Variants in OSBP2 observed in about 807,000 individuals in gnomAD.
The protein encoded by OSBP2 is oxysterol-binding protein 2.
A neutral mutation model predicts 96.0 loss-of-function variants in OSBP2; 66 were observed. That is an observed-to-expected ratio of 0.69 (90% confidence interval 0.56 to 0.84). OSBP2 has a LOEUF of 0.84. OSBP2 is among the 40% of genes least tolerant of loss of function. OSBP2 has a pLI of 0.00. For synonymous variants in OSBP2, 525 were observed against 520.9 expected (o/e 1.01, Z -0.11); for missense variants, 1,038 against 1,222.7 (o/e 0.85, Z 2.25).
intron 2 of OSBP2, among the ~76,000 whole-genome samples, chr22:30,756,805 G>A (rs1022129661): frequency 6.6e-6 from 1 of 152,152 alleles, no homozygotes; most frequent in Non-Finnish European, 1.5e-5. Context: ...CTCAGCTGAC[G>A]GAAGTAACAT....
At chr22:30,781,049 C>T (rs1309566499) in intron 2 of OSBP2, among the ~76,000 whole-genome samples, 2 of 151,476 alleles carry the variant, frequency 1.3e-5, no homozygotes, top group Non-Finnish European at 2.9e-5. Context: ...GATCTCGGCT[C>T]ACTGCAACCT....
At chr22:30,843,454 C>T (rs368919568) in intron 2 of OSBP2, among the ~76,000 whole-genome samples, 15,603 of 104,006 alleles carry the variant, frequency 0.15, 916 homozygotes, top group African/African-American at 0.26. Flanking sequence ...TCCCCCCTCC[C>T]CCTTGAGCAA....
intron 1 of OSBP2, among the ~76,000 whole-genome samples, chr22:30,719,643 A>G (rs2037047864): frequency 6.6e-6 from 1 of 151,672 alleles, no homozygotes; most frequent in African/African-American, 2.4e-5. Context: ...AATCCCAGCT[A>G]CTTGGAAGGC....
intron 2 of OSBP2, among the ~76,000 whole-genome samples, chr22:30,845,611 C>T (rs999738539): frequency 1.7e-4 from 26 of 151,102 alleles, no homozygotes; most frequent in Admixed American, 4.6e-4. Context: ...CGGCCAGGCA[C>T]GGTGGCTCAC....
At chr22:30,786,749 T>C (rs2090595761) in intron 2 of OSBP2, among the ~76,000 whole-genome samples, 1 of 151,566 alleles carries the variant, frequency 6.6e-6, no homozygotes, top group Non-Finnish European at 1.5e-5. Flanking sequence ...TGGGGATGCC[T>C]CAAGATGAGG....
At chr22:30,782,095 G>A (rs982849554) in intron 2 of OSBP2, among the ~76,000 whole-genome samples, 19 of 152,068 alleles carry the variant, frequency 1.2e-4, no homozygotes, top group African/African-American at 4.6e-4. Context: ...GCAGTGAGCC[G>A]AGATTACGCC....
rs2039463631 is a variant in OSBP2 at position 30,871,717 on chromosome 22, C to A, written c.1107+1035C>A. On this transcript the variant is annotated intron_variant, in intron 3 of 13. Transcript: ENST00000332585. The surrounding 1 kb of genome is among the most constrained non-coding windows in gnomAD (Gnocchi z 4.7). ...ACCAGGGCCGGACTGGGAGCTGGGA[C>A]CAAGCTCCAGGCCCCGCAAGAAATG... Among the ~76,000 whole-genome samples, 1 of 152,206 alleles carries A rather than the reference C, an allele frequency of 6.6e-6. No homozygotes were observed. The highest frequency in any genetic ancestry group is 1.5e-5 in the Non-Finnish European group (1 of 68,042).
intron 1 of OSBP2, among the ~76,000 whole-genome samples, chr22:30,700,435 C>T (rs755502415): frequency 6.6e-6 from 1 of 151,876 alleles, no homozygotes; most frequent in Non-Finnish European, 1.5e-5. Context: ...ACAGGGAACA[C>T]GTGATTCCAT....
intron 2 of OSBP2, among the ~76,000 whole-genome samples, chr22:30,784,622 T>C (rs1170375978): frequency 4.6e-5 from 7 of 152,164 alleles, no homozygotes; most frequent in Non-Finnish European, 1.5e-5. Flanking sequence ...GAGAAAGGCA[T>C]CTAATTTTTA....
intron 3 of OSBP2, among the ~76,000 whole-genome samples, chr22:30,874,269 A>G (rs373597306): frequency 1.3e-5 from 2 of 151,630 alleles, no homozygotes; most frequent in Admixed American, 1.3e-4. Context: ...AAACTTAGCC[A>G]GACATGGTGG....
intron 2 of OSBP2, among the ~76,000 whole-genome samples, chr22:30,822,017 C>G (rs577332433): frequency 6.6e-6 from 1 of 152,348 alleles, no homozygotes; most frequent in South Asian, 2.1e-4. Flanking sequence ...ACTAAGGGAG[C>G]CCAGCTCCCC....
intron 2 of OSBP2, among the ~76,000 whole-genome samples, chr22:30,796,872 G>A (rs1423783393): frequency 6.6e-6 from 1 of 152,182 alleles, no homozygotes; most frequent in Non-Finnish European, 1.5e-5. Context: ...CCACTTTTAA[G>A]TGTAATGTTC....
intron 2 of OSBP2, among the ~76,000 whole-genome samples, chr22:30,848,772 C>T (rs9606775): frequency 6.6e-6 from 1 of 152,118 alleles, no homozygotes; most frequent in East Asian, 1.9e-4. Flanking sequence ...ATTGCTAACT[C>T]GTTTTCCATA....
At chr22:30,788,167 G>A (rs1421587871) in intron 2 of OSBP2, among the ~76,000 whole-genome samples, 1 of 152,110 alleles carries the variant, frequency 6.6e-6, no homozygotes, top group Non-Finnish European at 1.5e-5. Context: ...TGGTCCATAT[G>A]GCCTCAGTAC....
intron 2 of OSBP2, among the ~76,000 whole-genome samples, chr22:30,846,798 CACTT>C (rs1374340281): frequency 6.6e-6 from 1 of 152,068 alleles, no homozygotes; most frequent in African/African-American, 2.4e-5. Context: ...GAAGAAACCT[CACTT>C]AATATGTGTT....
intron 1 of OSBP2, among the ~76,000 whole-genome samples, chr22:30,723,509 G>A (rs1365523793): frequency 6.6e-6 from 1 of 151,946 alleles, no homozygotes; most frequent in Non-Finnish European, 1.5e-5. Context: ...TGCCTCCCAA[G>A]TTCGAGCGAT....
chr22:30,900,119 C>T (rs1036871945), intron 12 of OSBP2, among the ~76,000 whole-genome samples: 5 of 151,856 alleles, frequency 3.3e-5, no homozygotes, highest in East Asian at 1.9e-4. Flanking sequence ...TTAGGCGTGG[C>T]GGCGCATGCC....
At chr22:30,733,925 A>C (rs1353033480) in intron 1 of OSBP2, among the ~76,000 whole-genome samples, 1 of 152,172 alleles carries the variant, frequency 6.6e-6, no homozygotes, top group Non-Finnish European at 1.5e-5. Flanking sequence ...TCTAAATCAG[A>C]TATCAAAGTA....
intron 2 of OSBP2, among the ~76,000 whole-genome samples, chr22:30,744,718 G>A (rs977351383): frequency 1.3e-5 from 2 of 152,046 alleles, no homozygotes; most frequent in South Asian, 2.1e-4. Flanking sequence ...CCGAGATCAC[G>A]CCACTACACT....
Sources: allele counts gnomAD v4.1 joint callset (sites outside exome capture counted in the v4.1 genomes callset), GRCh38; gene constraint gnomAD v4.1.1; non-coding constraint Gnocchi (gnomAD v3.1); transcripts MANE v1.5; gene names NCBI Gene and HGNC (gene_info 2026-07-23, HGNC 2026-07-21).